The following CNTN3 variants were observed in gnomAD, a reference collection of about 807,000 sequenced individuals.
The protein encoded by CNTN3 is contactin 3.
Under a neutral mutation model 119.1 loss-of-function variants are expected in CNTN3, and 60 were observed. The observed-to-expected ratio is 0.50, with a 90% CI of 0.41 to 0.62. The LOEUF (loss-of-function observed/expected upper bound fraction) is 0.62, where lower values mean the gene tolerates loss of function less well. Among genes scored for constraint, CNTN3 ranks in the 20% least tolerant of loss-of-function variants. The pLI is 0.00. For missense variants in CNTN3, 1,101 were observed against 1,242.4 expected (o/e 0.89, Z 1.71); for synonymous variants, 450 against 438.7 (o/e 1.03, Z -0.32).
chr3:74,355,783 C>T (rs989082804), intron 11 of CNTN3, among the ~76,000 whole-genome samples: 17 of 151,988 alleles, frequency 1.1e-4, no homozygotes, highest in African/African-American at 4.1e-4. Context: ...GAAATTTAAT[C>T]CTGTACATCT....
chr3:74,594,565 T>C (rs1054320045), intron 1 of CNTN3, among the ~76,000 whole-genome samples: 3 of 152,098 alleles, frequency 2.0e-5, no homozygotes, highest in Non-Finnish European at 4.4e-5. Flanking sequence ...GTCCTTGTGA[T>C]AGTTTGCTGA....
chr3:74,434,292 A>G (rs1480253748), intron 4 of CNTN3, among the ~76,000 whole-genome samples: 1 of 152,220 alleles, frequency 6.6e-6, no homozygotes, highest in African/African-American at 2.4e-5. Context: ...CAGATCTGTA[A>G]GCCTTTTGAA....
chr3:74,487,988 T>C (rs981871299), intron 3 of CNTN3, among the ~76,000 whole-genome samples: 2 of 140,846 alleles, frequency 1.4e-5, no homozygotes, highest in African/African-American at 5.5e-5. Flanking sequence ...ATAATCATTA[T>C]ACATAATTAT....
chr3:74,298,086 T>A lies in CNTN3; in HGVS notation c.2272A>T (p.Thr758Ser), dbSNP rs1214288385. The change falls in exon 18 of 23, where the codon ACC (threonine) becomes TCC (serine). Residue 758 changes from threonine (T) to serine (S), a missense_variant. Physicochemically the swap from Thr to Ser is moderately conservative, Grantham distance 58. Coordinates refer to ENST00000263665, the MANE Select transcript of CNTN3 (RefSeq NM_020872.3). ...TCATTCCTAAAGACATATCTTGGGG[T>A]GTCAGGGGATGTCACCACTGTCTGG... The part of the protein sequence containing the change: ...WIQTVVTSPD[T>S]PRYVFRNESI... 1 of 1,613,914 alleles carries A rather than the reference T, an allele frequency of 6.2e-7. No homozygotes were observed. Among genetic ancestry groups the A allele is most frequent in the East Asian group, 2.2e-5 (1 of 44,848 alleles).
At chr3:74,389,837 T>A (rs906556998) in intron 5 of CNTN3, among the ~76,000 whole-genome samples, 1 of 152,128 alleles carries the variant, frequency 6.6e-6, no homozygotes, top group African/African-American at 2.4e-5. Flanking sequence ...CTATTCCATA[T>A]GCCAAAGAAA....
At chr3:74,360,770 CA>C (rs1313706540) in intron 11 of CNTN3, among the ~76,000 whole-genome samples, 1 of 152,288 alleles carries the variant, frequency 6.6e-6, no homozygotes, top group Admixed American at 6.5e-5. Context: ...CTCATCTTCA[CA>C]GCCAGCAACA....
intron 11 of CNTN3, among the ~76,000 whole-genome samples, chr3:74,337,741 G>T (rs1703432544): frequency 6.6e-6 from 1 of 152,026 alleles, no homozygotes. Flanking sequence ...GATGAGATTT[G>T]GGTGGGGACA....
chr3:74,348,165 G>A (rs1703735469), intron 11 of CNTN3, among the ~76,000 whole-genome samples: 1 of 152,118 alleles, frequency 6.6e-6, no homozygotes, highest in African/African-American at 2.4e-5. Context: ...ATTGCTAAGA[G>A]AGCTGATCTT....
intron 5 of CNTN3, among the ~76,000 whole-genome samples, chr3:74,396,185 C>T (rs1343213858): frequency 6.6e-6 from 1 of 152,056 alleles, no homozygotes; most frequent in Admixed American, 6.5e-5. Flanking sequence ...AAGAAGAGTA[C>T]TTTAAATCAA....
chr3:74,407,371 C>A (rs867583192), intron 5 of CNTN3, among the ~76,000 whole-genome samples: 1 of 144,818 alleles, frequency 6.9e-6, no homozygotes, highest in African/African-American at 2.5e-5. Flanking sequence ...TGGGTTCAAG[C>A]GATTCTCCTG....
chr3:74,549,136 A>T (rs752655623), intron 1 of CNTN3, among the ~76,000 whole-genome samples: 4 of 152,172 alleles, frequency 2.6e-5, no homozygotes, highest in Admixed American at 6.5e-5. Context: ...TGATTGGATC[A>T]TGGGGGTGGT....
chr3:74,590,752 T>C (rs1345749738), intron 1 of CNTN3, among the ~76,000 whole-genome samples: 1 of 151,954 alleles, frequency 6.6e-6, no homozygotes, highest in African/African-American at 2.4e-5. Flanking sequence ...GATGCAACTT[T>C]TATGCCAATC....
rs549642362 is a variant in CNTN3 at position 74,555,275 on chromosome 3, A to G, written c.-80-34083T>C. Among the ~76,000 whole-genome samples, 3 of 152,224 alleles carry G rather than the reference A, an allele frequency of 2.0e-5. No homozygotes were observed. The East Asian group carries it at 5.8e-4, about 29-fold the overall frequency. ...CCAGGTAGGAAGTCGACTTGATCGT[A>G]GTGGATAACCTTTTTGATGTGCTGC... On this transcript the variant is annotated intron_variant, in intron 1 of 22. Coordinates refer to ENST00000263665, the MANE Select transcript of CNTN3 (RefSeq NM_020872.3).
chr3:74,560,779 A>G (rs963978092), intron 1 of CNTN3, among the ~76,000 whole-genome samples: 1 of 152,136 alleles, frequency 6.6e-6, no homozygotes, highest in Non-Finnish European at 1.5e-5. Flanking sequence ...CAACCCAAAT[A>G]TCCAACAATG....
At chr3:74,520,586 T>C (rs1307200175) in intron 2 of CNTN3, among the ~76,000 whole-genome samples, 3 of 151,430 alleles carry the variant, frequency 2.0e-5, no homozygotes. Flanking sequence ...TTATTCTAAA[T>C]TTCAAATTTT....
chr3:74,551,415 G>A (rs894944333), intron 1 of CNTN3, among the ~76,000 whole-genome samples: 10 of 151,924 alleles, frequency 6.6e-5, no homozygotes, highest in South Asian at 2.1e-4. Flanking sequence ...CATCCTCCCC[G>A]AGTATCAATA....
At chr3:74,429,604 T>C (rs4131440) in intron 4 of CNTN3, among the ~76,000 whole-genome samples, 61,837 of 151,914 alleles carry the variant, frequency 0.41, 12,847 homozygotes, top group East Asian at 0.58. Context: ...TTGACACCAA[T>C]TGAATGGTCT....
intron 20 of CNTN3, among the ~76,000 whole-genome samples, chr3:74,279,231 T>C (rs1313645372): frequency 6.6e-6 from 1 of 152,150 alleles, no homozygotes; most frequent in Non-Finnish European, 1.5e-5. Flanking sequence ...GTAGCACCAC[T>C]ATTTGATCCA....
intron 4 of CNTN3, among the ~76,000 whole-genome samples, chr3:74,438,354 T>A (rs1701906347): frequency 6.6e-6 from 1 of 152,188 alleles, no homozygotes; most frequent in Non-Finnish European, 1.5e-5. Flanking sequence ...GAAGATAACA[T>A]AACGTGTTAG....
Sources: allele counts gnomAD v4.1 joint callset (sites outside exome capture counted in the v4.1 genomes callset), GRCh38; gene constraint gnomAD v4.1.1; transcripts MANE v1.5; gene names NCBI Gene and HGNC (gene_info 2026-07-23, HGNC 2026-07-21).